Variants in LHFPL3 observed in about 807,000 individuals in gnomAD.
LHFPL3 encodes the protein LHFPL tetraspan subfamily member 3, also known as LHFPL tetraspan subfamily member 3 protein.
In LHFPL3, 5 loss-of-function variants were observed where a neutral mutation model predicts 19.3. The observed-to-expected ratio is 0.26, with a 90% CI of 0.14 to 0.54. LHFPL3 has a LOEUF of 0.54. LHFPL3 is among the 20% of genes least tolerant of loss of function. LHFPL3 has a pLI of 0.94. For missense variants in LHFPL3, 249 were observed against 307.4 expected (o/e 0.81, Z 1.42); for synonymous variants, 133 against 126.2 (o/e 1.05, Z -0.36).
intron 2 of LHFPL3, among the ~76,000 whole-genome samples, chr7:104,739,975 C>T (rs997493520): frequency 1.3e-5 from 2 of 152,134 alleles, no homozygotes; most frequent in Non-Finnish European, 2.9e-5. Context: ...ATAATTTCCA[C>T]GTGTTGGGAA....
At chr7:104,520,340 TC>T (rs1331045404) in intron 1 of LHFPL3, among the ~76,000 whole-genome samples, 7 of 147,206 alleles carry the variant, frequency 4.8e-5, no homozygotes, top group African/African-American at 5.1e-5. Flanking sequence ...GCTGCTGGAT[TC>T]CGTTTGCCAG....
intron 2 of LHFPL3, among the ~76,000 whole-genome samples, chr7:104,763,852 C>A (rs1794414483): frequency 6.6e-6 from 1 of 152,166 alleles, no homozygotes; most frequent in Non-Finnish European, 1.5e-5. Context: ...TTTATGAGTA[C>A]CTAATTCCTG....
At chr7:104,557,765 T>C (rs1789878200) in intron 1 of LHFPL3, among the ~76,000 whole-genome samples, 1 of 151,398 alleles carries the variant, frequency 6.6e-6, no homozygotes, top group South Asian at 2.1e-4. Context: ...GCCATGCTGG[T>C]GCGCTGCACC....
At chr7:104,675,697 T>A (rs2116063036) in intron 1 of LHFPL3, among the ~76,000 whole-genome samples, 1 of 152,250 alleles carries the variant, frequency 6.6e-6, no homozygotes, top group Non-Finnish European at 1.5e-5. Flanking sequence ...CAGGTATTGC[T>A]GAAGAATCAA....
chr7:104,571,208 A>G (rs552101591), intron 1 of LHFPL3, among the ~76,000 whole-genome samples: 1 of 152,216 alleles, frequency 6.6e-6, no homozygotes, highest in African/African-American at 2.4e-5. Flanking sequence ...TCATTTTTAC[A>G]TGATGCCCTG....
rs551901282 is a variant in LHFPL3, at chr7:104,547,642, C to A, written c.446-189033C>A. Among the ~76,000 whole-genome samples, 26 of 152,228 alleles carry A rather than the reference C, an allele frequency of 1.7e-4. No individual in the cohort carries two copies. In the South Asian group the frequency reaches 5.0e-3, roughly 29 times the overall value. ...AGGCAGACTGGGTTCTCCAGCTGTC[C>A]AGAGAGCCATGTTTCTGTACCCTAT... On this transcript the variant is annotated intron_variant, in intron 1 of 2. Transcript: ENST00000424859.
chr7:104,329,456 G>A (rs1202202598), intron 1 of LHFPL3, among the ~76,000 whole-genome samples: 2 of 152,282 alleles, frequency 1.3e-5, no homozygotes, highest in Non-Finnish European at 2.9e-5. Context: ...CCAAGTGTGG[G>A]GGACGCCCAC....
At chr7:104,692,826 C>T (rs1792928784) in intron 1 of LHFPL3, among the ~76,000 whole-genome samples, 1 of 152,142 alleles carries the variant, frequency 6.6e-6, no homozygotes, top group Admixed American at 6.5e-5. Context: ...GGTTGGAGCC[C>T]CAGCACAGAG....
At position 104,365,801 on chromosome 7, in the gene LHFPL3, A is replaced by AAAAAAAAAAAAAG. The variant is rs893610992; in HGVS notation, c.445+36581_445+36582insAAAAAAAAGAAAA. ...AGACTCCGTCTCAAAAAAAAAAAAA[A>AAAAAAAAAAAAAG]AAAAGAAAAGCCTCTTTCCAGCTAG... On this transcript the variant is annotated intron_variant, in intron 1 of 2. Coordinates refer to ENST00000424859, the MANE Select transcript of LHFPL3 (RefSeq NM_199000.3). Among the ~76,000 whole-genome samples the AAAAAAAAAAAAAG allele has an allele frequency of 6.5e-4, 92 of 142,224 alleles. 1 individual carries two copies. Among genetic ancestry groups the AAAAAAAAAAAAAG allele is most frequent in the Middle Eastern group, 3.9e-3 (1 of 258 alleles). 93.3% of individuals were successfully genotyped at this position (142,224 alleles called of 152,430 possible). A position where few individuals can be genotyped will look rare whatever the true frequency, so the allele number is the denominator to read the frequency against.
At chr7:104,670,876 T>G (rs1792466484) in intron 1 of LHFPL3, among the ~76,000 whole-genome samples, 1 of 152,064 alleles carries the variant, frequency 6.6e-6, no homozygotes, top group Non-Finnish European at 1.5e-5. Context: ...GTTTTTTTTT[T>G]TTTAAGCTTC....
chr7:104,857,758 T>C (rs1791536859), intron 2 of LHFPL3, among the ~76,000 whole-genome samples: 1 of 152,226 alleles, frequency 6.6e-6, no homozygotes, highest in Non-Finnish European at 1.5e-5. Context: ...TGTGTTAATG[T>C]TAGTCTTTTT....
intron 2 of LHFPL3, among the ~76,000 whole-genome samples, chr7:104,811,162 CTTTCTTTCTTTTCTTTTCTTTTCTTTTCT>C (rs1240802664): frequency 3.0e-5 from 4 of 134,130 alleles, no homozygotes; most frequent in Non-Finnish European, 4.7e-5. Context: ...TTCTTTCTTT[CTTTCTTTCTTTTCTTTTCTTTTCTTTTCT>C]TTTCTTTTCT....
chr7:104,829,869 T>C (rs968617382), intron 2 of LHFPL3, among the ~76,000 whole-genome samples: 29 of 151,960 alleles, frequency 1.9e-4, no homozygotes, highest in Admixed American at 7.9e-4. Context: ...CTGGGTCAAA[T>C]GGTATTTCTA....
At chr7:104,764,469 C>T (rs1453601285) in intron 2 of LHFPL3, among the ~76,000 whole-genome samples, 6 of 152,170 alleles carry the variant, frequency 3.9e-5, no homozygotes, top group Admixed American at 3.9e-4. Context: ...CCGCACCCAG[C>T]CAATGGACAG....
intron 2 of LHFPL3, among the ~76,000 whole-genome samples, chr7:104,822,205 G>A (rs1018660752): frequency 2.0e-5 from 3 of 152,174 alleles, no homozygotes; most frequent in East Asian, 3.8e-4. Context: ...TTCGTTGGAA[G>A]GGTCTTTCTC....
At chr7:104,603,070 CTTTCTTTCTTTCTT>C (rs1406681838) in intron 1 of LHFPL3, among the ~76,000 whole-genome samples, 734 of 58,748 alleles carry the variant, frequency 0.012, 13 homozygotes, top group Admixed American at 0.04. Context: ...CTTTCTTTTT[CTTTCTTTCTTTCTT>C]TCTTTCTTTC....
chr7:104,508,327 G>T (rs1182017371), intron 1 of LHFPL3, among the ~76,000 whole-genome samples: 85 of 151,608 alleles, frequency 5.6e-4, no homozygotes, highest in African/African-American at 2.0e-3. Flanking sequence ...GATGAAATTG[G>T]AAATCATCAT....
chr7:104,694,761 A>G (rs1447967041), intron 1 of LHFPL3, among the ~76,000 whole-genome samples: 8 of 152,226 alleles, frequency 5.3e-5, no homozygotes, highest in Non-Finnish European at 2.9e-5. Flanking sequence ...AAAGGCAGAT[A>G]TATTAGAGAA....
At chr7:104,401,684 A>G (rs1173747453) in intron 1 of LHFPL3, among the ~76,000 whole-genome samples, 1 of 152,218 alleles carries the variant, frequency 6.6e-6, no homozygotes, top group Non-Finnish European at 1.5e-5. Context: ...AAGACCAACT[A>G]GATTTATTCT....
Sources: gnomAD v4.1 joint callset for allele counts (sites outside exome capture counted in the v4.1 genomes callset) on GRCh38, gnomAD v4.1.1 for gene constraint, MANE v1.5 for transcripts, NCBI Gene and HGNC (gene_info 2026-07-23, HGNC 2026-07-21) for gene names.